Variants in CDV3 observed in about 807,000 individuals in gnomAD.
CDV3 encodes the protein protein CDV3 homolog.
Under a neutral mutation model 24.5 loss-of-function variants are expected in CDV3, and 14 were observed. That is an observed-to-expected ratio of 0.57 (90% CI 0.38 to 0.89). The LOEUF is 0.89. Among genes scored for constraint, CDV3 ranks in the 40% least tolerant of loss-of-function variants. The pLI is 0.00. For synonymous variants in CDV3, 114 were observed against 114.1 expected (o/e 1.00, Z 0.00); for missense variants, 304 against 310.2 (o/e 0.98, Z 0.15).
At chr3:133,585,614 C>T (rs1377846693) in intron 3 of CDV3, among the ~76,000 whole-genome samples, 1 of 152,076 alleles carries the variant, frequency 6.6e-6, no homozygotes, top group East Asian at 1.9e-4. Context: ...CCTGCCTCAG[C>T]CTCCCAAGTA....
rs1933981971 is a variant in CDV3, at chr3:133,590,173, T to C, written c.*2127T>C. On this transcript the variant is annotated 3_prime_UTR_variant, in exon 5 of 5. Coordinates refer to ENST00000264993, the MANE Select transcript of CDV3 (RefSeq NM_017548.5). ...TATGATGGGTGGATGAGGCTGTCCATTGTACCATTTGTTTGAATTCTCAGG... is the reference window on the plus strand; with the variant it reads ...TATGATGGGTGGATGAGGCTGTCCACTGTACCATTTGTTTGAATTCTCAGG... 1 of 152,226 alleles carries C rather than the reference T, an allele frequency of 6.6e-6. No individual in the cohort carries two copies. The highest frequency in any genetic ancestry group is 1.5e-5 in the Non-Finnish European group (1 of 68,040). 9.4% of individuals were successfully genotyped at this position (152,226 alleles called of 1,614,324 possible).
intron 1 of CDV3, chr3:133,574,600 C>A: frequency 1.0e-6 from 1 of 1,001,644 alleles, no homozygotes; most frequent in Non-Finnish European, 1.2e-6. Flanking sequence ...CGGGTGACGT[C>A]TAGGCTGAGT....
At chr3:133,579,320 TTG>T (rs982488285) in intron 2 of CDV3, among the ~76,000 whole-genome samples, 9 of 152,332 alleles carry the variant, frequency 5.9e-5, no homozygotes, top group African/African-American at 2.2e-4. Context: ...ATTGTAGTGT[TTG>T]TTTATAAAAT....
chr3:133,580,191 A>C (rs906194945), intron 2 of CDV3, among the ~76,000 whole-genome samples: 8 of 150,484 alleles, frequency 5.3e-5, no homozygotes, highest in African/African-American at 2.0e-4. Flanking sequence ...TCATTGTTCA[A>C]CTCCCACTTG....
rs750845081 is a variant in CDV3, at chr3:133,588,339, CTT to C, written c.*297_*298del. The C allele has an allele frequency of 2.0e-6, 3 of 1,536,184 alleles. No homozygotes were observed. Among genetic ancestry groups the C allele is most frequent in the Admixed American group, 2.0e-5 (1 of 50,962 alleles). On this transcript the variant is annotated 3_prime_UTR_variant, in exon 5 of 5. Transcript: ENST00000264993. ...CTGCAGCCAGTGGTCATTTCAAAAT[CTT>C]TTTATGTTCAGATACTGAGCCTTCA...
At chr3:133,585,225 G>A (rs1933466780) in intron 3 of CDV3, among the ~76,000 whole-genome samples, 1 of 151,996 alleles carries the variant, frequency 6.6e-6, no homozygotes, top group African/African-American at 2.4e-5. Context: ...TTATTGTAGA[G>A]ATGAGATCTT....
chr3:133,582,921 A>G (rs545518303), intron 2 of CDV3, among the ~76,000 whole-genome samples: 3 of 152,242 alleles, frequency 2.0e-5, no homozygotes, highest in Non-Finnish European at 4.4e-5. Flanking sequence ...GTCAAGAGAC[A>G]AAAGATAAAT....
intron 2 of CDV3, among the ~76,000 whole-genome samples, chr3:133,576,344 C>T (rs2074806403): frequency 6.6e-6 from 1 of 152,162 alleles, no homozygotes; most frequent in African/African-American, 2.4e-5. Flanking sequence ...GTGTCTTTCT[C>T]TTTTCTGTCT....
rs1485902279 is a variant in CDV3, at chr3:133,590,247, AAGT to A, written c.*2203_*2205del. On this transcript the variant is annotated 3_prime_UTR_variant, in exon 5 of 5. Transcript: ENST00000264993. ...CTGTAACATTAACAAATTCAATAAAAAGTAAATATATGGATTTTGGACTGTAAT... is the reference window on the plus strand; with the variant it reads ...CTGTAACATTAACAAATTCAATAAAAAAATATATGGATTTTGGACTGTAAT... 10 of 152,202 alleles carry A rather than the reference AAGT, an allele frequency of 6.6e-5. No individual in the cohort carries two copies. Among genetic ancestry groups the A allele is most frequent in the Non-Finnish European group, 7.3e-5 (5 of 68,042 alleles). The allele number at this position is 152,202 out of a possible 1,614,324, so 9.4% of individuals were successfully genotyped here.
In CDV3 at chr3:133,588,078, C is replaced by G. The variant is rs979645900; in HGVS notation, c.*32C>G. On this transcript the variant is annotated 3_prime_UTR_variant, in exon 5 of 5. Coordinates refer to ENST00000264993, the MANE Select transcript of CDV3 (RefSeq NM_017548.5). Reference sequence around the variant, plus strand: ...GGCTTTGCTAACCCTTCTGAGGTAACTAGACTGCAGCTAACCACCACCAAC... The same window carrying G: ...GGCTTTGCTAACCCTTCTGAGGTAAGTAGACTGCAGCTAACCACCACCAAC... 4 of 1,601,892 alleles carry G rather than the reference C, an allele frequency of 2.5e-6. No individual in the cohort carries two copies. The African/African-American group carries it at 5.4e-5, about 22-fold the overall frequency.
In CDV3 at chr3:133,586,708, T is replaced by C. The variant is rs1933640702; in HGVS notation, c.612T>C (p.His204=). The C allele has an allele frequency of 6.3e-7, 1 of 1,595,220 alleles. No homozygotes were observed. Among genetic ancestry groups the C allele is most frequent in the Non-Finnish European group, 8.6e-7 (1 of 1,163,216 alleles). The part of the protein sequence containing the change: ...QFPSLQSTAK[H]VESRKDKEME... ...CATCCCTGCAGTCAACTGCCAAGCA[T>C]GTAGAAAGCCGGAAGTAAGTACTAT... The change falls in exon 4 of 5, where the codon CAT becomes CAC. Residue 204 remains histidine, a synonymous_variant. Coordinates refer to ENST00000264993, the MANE Select transcript of CDV3 (RefSeq NM_017548.5).
chr3:133,583,466 T>C (rs1933270091), intron 2 of CDV3, among the ~76,000 whole-genome samples: 1 of 152,200 alleles, frequency 6.6e-6, no homozygotes, highest in Admixed American at 6.5e-5. Context: ...CATCCTCTCT[T>C]CCCTCCCTTA....
chr3:133,575,039 G>A lies in CDV3; in HGVS notation c.241G>A (p.Asp81Asn), dbSNP rs1469286949. The change falls in exon 2 of 5, where the codon GAC (aspartate) becomes AAC (asparagine). Residue 81 changes from aspartate to asparagine, a missense_variant and splice_region_variant. This residue lies in a region of CDV3 where 219 missense variants were observed against 203.6 expected (regional missense o/e 1.08). Transcript: ENST00000264993. ...TGATCAAATGGCGTTTGTTTTACAG[G>A]ACGAAGATGAATGGAAAGAATTGGA... ...PGAATKAVTK[D>N]EDEWKELEQK... The A allele has an allele frequency of 1.3e-6, 2 of 1,589,578 alleles. No individual in the cohort carries two copies. The highest frequency in any genetic ancestry group is 1.1e-5 in the South Asian group (1 of 90,596).
intron 4 of CDV3, chr3:133,587,199 C>T: frequency 2.2e-6 from 3 of 1,351,254 alleles, no homozygotes; most frequent in Non-Finnish European, 2.9e-6. Context: ...TAAATGACTA[C>T]ATATGGCACA....
Position 133,577,755 on chromosome 3 carries a change from A to T in CDV3, c.317+2640A>T, listed in dbSNP as rs112575965. Among the ~76,000 whole-genome samples the T allele has an allele frequency of 2.9e-3, 449 of 152,330 alleles. 4 individuals carry two copies. The highest frequency in any genetic ancestry group is 0.01 in the African/African-American group (432 of 41,566). On this transcript the variant is annotated intron_variant, in intron 2 of 4. Coordinates refer to ENST00000264993, the MANE Select transcript of CDV3 (RefSeq NM_017548.5). ...GTACATTTGAAAGGGGAAATTTTTC[A>T]TTAGCAGCAAACGTATTATATATTA...
At chr3:133,587,615 T>C in intron 4 of CDV3, 2 of 1,151,084 alleles carry the variant, frequency 1.7e-6, no homozygotes, top group Non-Finnish European at 2.1e-6. Flanking sequence ...GGAATGTCAT[T>C]ACACAGCTTT....
rs765608535 is a variant in CDV3 at position 133,588,091 on chromosome 3, AACC to A, written c.*53_*55del. The A allele has an allele frequency of 6.0e-5, 96 of 1,592,846 alleles. No individual in the cohort carries two copies. The highest frequency in any genetic ancestry group is 1.7e-4 in the Middle Eastern group (1 of 5,924). On this transcript the variant is annotated 3_prime_UTR_variant, in exon 5 of 5. Transcript: ENST00000264993. ...CTTCTGAGGTAACTAGACTGCAGCT[AACC>A]ACCACCAACAGCCATTCATCATCTG...
rs2074712188 is a variant in CDV3 at position 133,574,232 on chromosome 3, C to G, written c.188C>G (p.Thr63Ser). 1 of 995,002 alleles carries G rather than the reference C, an allele frequency of 1.0e-6. No individual in the cohort carries two copies. Among genetic ancestry groups the G allele is most frequent in the South Asian group, 4.5e-5 (1 of 22,220 alleles). The allele number at this position is 995,002 out of a possible 1,614,324, so 61.6% of individuals were successfully genotyped here. A position where few individuals can be genotyped will look rare whatever the true frequency, so the allele number is the denominator to read the frequency against. Residue 63 changes from threonine (T) to serine (S), a missense_variant, in exon 1 of 5, where the codon ACC becomes AGC. This residue lies in a region of CDV3 where 219 missense variants were observed against 203.6 expected (regional missense o/e 1.08). Transcript: ENST00000264993. ...GAGTRPGDGG[T>S]ASAGAAGPGA... is the part of the protein sequence containing the mutation. The stretch of plus-strand genomic sequence containing the variant: ...GGGACCCGGCCGGGTGACGGCGGGA[C>G]CGCCAGCGCGGGGGCTGCGGGCCCA...
In CDV3 at chr3:133,574,010, CG is replaced by C. The variant is rs757697645; in HGVS notation, c.-33del. On this transcript the variant is annotated 5_prime_UTR_variant, in exon 1 of 5. Transcript: ENST00000264993. ...GAGCCCCGCGGGCCGCGCCCGCCGC[CG>C]GCCCCACCCATCCGGGTCGAGGAGG... 12 of 1,046,926 alleles carry C rather than the reference CG, an allele frequency of 1.1e-5. No homozygotes were observed. In the Admixed American group the frequency reaches 3.2e-4, roughly 28 times the overall value. 64.9% of individuals were successfully genotyped at this position (1,046,926 alleles called of 1,614,324 possible).
Sources: gnomAD v4.1 joint callset for allele counts (sites outside exome capture counted in the v4.1 genomes callset) on GRCh38, gnomAD v4.1.1 for gene constraint, gnomAD v4.1.1 regional missense constraint, MANE v1.5 for transcripts, NCBI Gene and HGNC (gene_info 2026-07-23, HGNC 2026-07-21) for gene names.